PCNX2: variants seen among roughly 807,000 people sequenced by gnomAD.
PCNX2 encodes the protein pecanex-like protein 2.
Under a neutral mutation model 223.8 loss-of-function variants are expected in PCNX2, and 168 were observed. The ratio of observed to expected loss-of-function variants is 0.75; its 90% confidence interval spans 0.66 to 0.85. The LOEUF (loss-of-function observed/expected upper bound fraction) is 0.85. Among genes scored for constraint, PCNX2 ranks in the 40% least tolerant of loss-of-function variants. The pLI is 0.00. For missense variants in PCNX2, 2,507 were observed against 2,675.5 expected, an observed-to-expected ratio of 0.94 and a Z score of 1.39; for synonymous variants, 1,006 against 1,052.6, an observed-to-expected ratio of 0.96 and a Z score of 0.86.
chr1:233,044,013 C>G (rs1490757967), intron 25 of PCNX2, among the ~76,000 whole-genome samples: 1 of 147,712 alleles, frequency 6.8e-6, no homozygotes, highest in Non-Finnish European at 1.5e-5. Context: ...AACTAGTTTA[C>G]AGTCCCACCA....
the PCNX2 span, among the ~76,000 whole-genome samples, chr1:233,323,471 A>G: frequency 1.3e-5 from 2 of 152,172 alleles, no homozygotes; most frequent in Non-Finnish European, 2.9e-5. Flanking sequence ...GTGTGGCAAC[A>G]CTCCAAGAGC....
chr1:233,123,475 G>A (rs1335470342), intron 21 of PCNX2, among the ~76,000 whole-genome samples: 3 of 151,932 alleles, frequency 2.0e-5, no homozygotes, highest in South Asian at 4.2e-4. Flanking sequence ...CCAACTACTC[G>A]GGAGGCTGAG....
chr1:233,197,788 A>G (rs559108570), intron 15 of PCNX2, among the ~76,000 whole-genome samples: 2 of 152,314 alleles, frequency 1.3e-5, no homozygotes, highest in South Asian at 4.1e-4. Context: ...ACTGACATTG[A>G]TCAGTTTAAT....
intron 23 of PCNX2, among the ~76,000 whole-genome samples, chr1:233,083,357 G>A (rs934606872): frequency 5.3e-5 from 8 of 152,202 alleles, no homozygotes; most frequent in Admixed American, 3.3e-4. Flanking sequence ...AGGACTCAGC[G>A]TCTTGATGCT....
At chr1:233,232,297 C>T (rs767405079) in intron 9 of PCNX2, among the ~76,000 whole-genome samples, 14 of 152,082 alleles carry the variant, frequency 9.2e-5, no homozygotes, top group Non-Finnish European at 1.8e-4. Context: ...ATATTCAATA[C>T]TTTATTACAA....
At chr1:233,243,901 G>A (rs887103959) in intron 8 of PCNX2, among the ~76,000 whole-genome samples, 25 of 151,708 alleles carry the variant, frequency 1.6e-4, no homozygotes, top group African/African-American at 5.8e-4. Flanking sequence ...ACGTGATCTC[G>A]GCTCACCACA....
rs528429950 is a variant in PCNX2 at position 233,223,574 on chromosome 1, C to T, written c.2504+3652G>A. ...CCCGTCATCTAGGTTTTCAGCCCCG[C>T]GTGCATTAGCTATTTGTCCGAATGC... On this transcript the variant is annotated intron_variant, in intron 10 of 33. Transcript: ENST00000258229. Among the ~76,000 whole-genome samples, 12 of 152,132 alleles carry T rather than the reference C, an allele frequency of 7.9e-5. No individual in the cohort carries two copies. The East Asian group carries it at 2.3e-3, about 29-fold the overall frequency.
At chr1:233,327,316 G>A in the PCNX2 span, among the ~76,000 whole-genome samples, 1 of 151,372 alleles carries the variant, frequency 6.6e-6, no homozygotes, top group Non-Finnish European at 1.5e-5. Context: ...GCTCACCATT[G>A]CTCCGGAGCA....
chr1:233,245,501 G>A (rs182538282), intron 8 of PCNX2, among the ~76,000 whole-genome samples: 5 of 152,350 alleles, frequency 3.3e-5, no homozygotes, highest in Admixed American at 2.6e-4. Flanking sequence ...GTGCAAGAAG[G>A]GCTGAGGGAG....
chr1:233,075,939 CATAA>C (rs1673079097), intron 23 of PCNX2, among the ~76,000 whole-genome samples: 1 of 152,086 alleles, frequency 6.6e-6, no homozygotes, highest in African/African-American at 2.4e-5. Context: ...AGTGGAAAGT[CATAA>C]ATATTTAGGG....
At chr1:233,324,192 G>T in the PCNX2 span, among the ~76,000 whole-genome samples, 1 of 152,220 alleles carries the variant, frequency 6.6e-6, no homozygotes, top group Non-Finnish European at 1.5e-5. Flanking sequence ...TGGCTTATGA[G>T]GTTTAAGGAA....
intron 15 of PCNX2, among the ~76,000 whole-genome samples, chr1:233,192,870 T>G (rs1680495425): frequency 6.6e-6 from 1 of 150,986 alleles, no homozygotes; most frequent in South Asian, 2.1e-4. Flanking sequence ...AGATCTGCTG[T>G]ATAACATTAT....
intron 25 of PCNX2, among the ~76,000 whole-genome samples, chr1:233,036,375 A>G (rs1671454033): frequency 6.6e-6 from 1 of 152,178 alleles, no homozygotes; most frequent in South Asian, 2.1e-4. Flanking sequence ...TCATGCCTGT[A>G]ATCCCAGCAC....
At chr1:233,073,064 A>G (rs1266924884) in intron 23 of PCNX2, among the ~76,000 whole-genome samples, 1 of 152,080 alleles carries the variant, frequency 6.6e-6, no homozygotes, top group Non-Finnish European at 1.5e-5. Context: ...TCTTTTTATT[A>G]TACTTGTTAT....
At chr1:233,132,534 C>A (rs565758413) in intron 21 of PCNX2, among the ~76,000 whole-genome samples, 7 of 152,292 alleles carry the variant, frequency 4.6e-5, no homozygotes, top group East Asian at 1.9e-4. Flanking sequence ...TTAGAAGCCA[C>A]GCCTAGGACT....
intron 23 of PCNX2, among the ~76,000 whole-genome samples, chr1:233,076,305 A>G (rs1414683792): frequency 2.0e-5 from 3 of 152,184 alleles, no homozygotes; most frequent in Non-Finnish European, 4.4e-5. Context: ...TGTATACAGG[A>G]TTTGGATCAA....
At chr1:232,992,052 G>A (rs74510716) in intron 32 of PCNX2, among the ~76,000 whole-genome samples, 10,232 of 152,196 alleles carry the variant, frequency 0.067, 1,110 homozygotes, top group African/African-American at 0.23. Context: ...GAAAGACCAG[G>A]GAGAAAAAGC....
intron 8 of PCNX2, chr1:233,241,460 A>AT (rs1658760484): frequency 9.3e-6 from 8 of 857,124 alleles, no homozygotes; most frequent in Non-Finnish European, 1.1e-5. Flanking sequence ...AGAAAACAAG[A>AT]TAAGAATGAC....
the PCNX2 span, among the ~76,000 whole-genome samples, chr1:233,325,516 A>AAAC: frequency 9.4e-5 from 14 of 149,402 alleles, no homozygotes; most frequent in South Asian, 2.8e-3. Context: ...AAAAAAAAAA[A>AAAC]CCAAAAAAAA....
Sources: allele counts gnomAD v4.1 joint callset (sites outside exome capture counted in the v4.1 genomes callset), GRCh38; gene constraint gnomAD v4.1.1; transcripts MANE v1.5; gene names NCBI Gene and HGNC (gene_info 2026-07-23, HGNC 2026-07-21).